Variants in LAMTOR2 observed in about 807,000 individuals in gnomAD.
LAMTOR2 encodes ragulator complex protein LAMTOR2.
A neutral mutation model predicts 15.8 loss-of-function variants in LAMTOR2; 4 were observed. The observed-to-expected ratio is 0.25, with a 90% CI of 0.12 to 0.58. LAMTOR2 has a LOEUF of 0.58. Among genes scored for constraint, LAMTOR2 ranks in the 20% least tolerant of loss-of-function variants. The pLI is 0.91. For missense variants in LAMTOR2, 100 were observed against 161.0 expected (o/e 0.62, Z 2.05); for synonymous variants, 62 against 64.1 (o/e 0.97, Z 0.15).
rs1647341733 is a variant in LAMTOR2, at chr1:156,055,678, A to T, written c.231+253A>T. 1 of 540,210 alleles carries T rather than the reference A, an allele frequency of 1.9e-6. No individual in the cohort carries two copies. The highest frequency in any genetic ancestry group is 2.1e-5 in the South Asian group (1 of 48,210). The allele number at this position is 540,210 out of a possible 1,614,324, so 33.5% of individuals were successfully genotyped here. On this transcript the variant is annotated intron_variant, in intron 2 of 3. Transcript: ENST00000368305. The surrounding 1 kb of genome is among the most constrained non-coding windows in gnomAD (Gnocchi z 4.8). ...ACTTATCAGTTGTGGAACCTTGGGT[A>T]AGTCGCTTAACCTCTCTCAGCTTCC...
Position 156,055,504 on chromosome 1 carries a change from T to A in LAMTOR2, c.231+79T>A. On this transcript the variant is annotated intron_variant, in intron 2 of 3. Coordinates refer to ENST00000368305, the MANE Select transcript of LAMTOR2 (RefSeq NM_014017.4). The surrounding 1 kb of genome is among the most constrained non-coding windows in gnomAD (Gnocchi z 4.8). ...GCGACCTGGACCCCATCCTGGATGGTTGGAGGGGCAGGGACAGGATCTCCG... is the reference window on the plus strand; with the variant it reads ...GCGACCTGGACCCCATCCTGGATGGATGGAGGGGCAGGGACAGGATCTCCG... 1 of 1,541,982 alleles carries A rather than the reference T, an allele frequency of 6.5e-7. No homozygotes were observed. Among genetic ancestry groups the A allele is most frequent in the South Asian group, 1.1e-5 (1 of 89,610 alleles).
At chr1:156,058,126 G>A in intron 3 of LAMTOR2, 59 bp downstream of exon 3, 1 of 1,551,588 alleles carries the variant, frequency 6.4e-7, no homozygotes, top group Non-Finnish European at 8.9e-7. Context: ...TCTACACTGT[G>A]TTCACTCCCA....
In LAMTOR2 at chr1:156,054,976, C is replaced by T; in HGVS notation, c.68+19C>T. The T allele has an allele frequency of 6.2e-7, 1 of 1,608,858 alleles. No individual in the cohort carries two copies. The highest frequency in any genetic ancestry group is 8.5e-7 in the Non-Finnish European group (1 of 1,178,176). Reference sequence around the variant, plus strand: ...GCACCCTGTGAGTGCAGACCACGGACCCGAGCGGCGAGCGCTGCAGTGGGG... The same window carrying T: ...GCACCCTGTGAGTGCAGACCACGGATCCGAGCGGCGAGCGCTGCAGTGGGG... On this transcript the variant is annotated intron_variant, in intron 1 of 3. Transcript: ENST00000368305.
At chr1:156,056,151 GCAC>G (rs1031111554) in intron 2 of LAMTOR2, among the ~76,000 whole-genome samples, 1 of 152,010 alleles carries the variant, frequency 6.6e-6, no homozygotes, top group African/African-American at 2.4e-5. Context: ...CTACAGACAT[GCAC>G]CACCACACCT....
Position 156,058,495 on chromosome 1 carries a change from C to T in LAMTOR2, c.*124C>T. ...CTTTGTTTTTTCCAAGAATAAACTT[C>T]AACTCCTGTCATGTGTCTTGGCTAC... On this transcript the variant is annotated 3_prime_UTR_variant, in exon 4 of 4. Coordinates refer to ENST00000368305, the MANE Select transcript of LAMTOR2 (RefSeq NM_014017.4). 3.2e-6 allele frequency: 3 copies of T among 934,074 alleles called. No individual in the cohort carries two copies. Among genetic ancestry groups the T allele is most frequent in the Non-Finnish European group, 5.1e-6 (3 of 586,102 alleles). The allele number at this position is 934,074 out of a possible 1,614,324, so 57.9% of individuals were successfully genotyped here. A position where few individuals can be genotyped will look rare whatever the true frequency, so the allele number is the denominator to read the frequency against.
chr1:156,057,817 A>C (rs1422696187), intron 2 of LAMTOR2, among the ~76,000 whole-genome samples, 161 bp from the exon 3 acceptor site: 1 of 152,200 alleles, frequency 6.6e-6, no homozygotes, highest in Non-Finnish European at 1.5e-5. Flanking sequence ...TCAGAACCCC[A>C]TGTTCAGGGC....
At position 156,055,658 on chromosome 1, in the gene LAMTOR2, T is replaced by C. The variant is rs1342543825; in HGVS notation, c.231+233T>C. On this transcript the variant is annotated intron_variant, in intron 2 of 3. Coordinates refer to ENST00000368305, the MANE Select transcript of LAMTOR2 (RefSeq NM_014017.4). The surrounding 1 kb of genome is among the most constrained non-coding windows in gnomAD (Gnocchi z 4.8). ...GGTTCTGGTCTCAGCCATCCACTTA[T>C]CAGTTGTGGAACCTTGGGTAAGTCG... The C allele has an allele frequency of 1.7e-6, 1 of 574,114 alleles. No homozygotes were observed. Among genetic ancestry groups the C allele is most frequent in the Non-Finnish European group, 3.1e-6 (1 of 320,642 alleles). The allele number at this position is 574,114 out of a possible 1,614,324, so 35.6% of individuals were successfully genotyped here. A position where few individuals can be genotyped will look rare whatever the true frequency, so the allele number is the denominator to read the frequency against.
At chr1:156,058,281 G>A in intron 3 of LAMTOR2, 34 bp from the exon 4 acceptor site, 3 of 1,613,986 alleles carry the variant, frequency 1.9e-6, no homozygotes, top group Non-Finnish European at 2.5e-6. Flanking sequence ...ATGCCAGGCT[G>A]TGTGCGGGAC....
At position 156,055,077 on chromosome 1, in the gene LAMTOR2, GGGGATACC is replaced by G. The variant is rs1647291243; in HGVS notation, c.68+123_68+130del. 2.2e-6 allele frequency: 3 copies of G among 1,373,492 alleles called. No individual in the cohort carries two copies. The highest frequency in any genetic ancestry group is 3.1e-6 in the Non-Finnish European group (3 of 969,658). 85.1% of individuals were successfully genotyped at this position (1,373,492 alleles called of 1,614,324 possible). A position where few individuals can be genotyped will look rare whatever the true frequency, so the allele number is the denominator to read the frequency against. On this transcript the variant is annotated intron_variant, in intron 1 of 3. Transcript: ENST00000368305. The surrounding 1 kb of genome is among the most constrained non-coding windows in gnomAD (Gnocchi z 4.8). ...GGAAGCGGCAGAGGGGGCAGCGGCT[GGGGATACC>G]GGCCGGGAGGTCCCCTGTCGAAAAG...
chr1:156,055,195 G>A lies in LAMTOR2; in HGVS notation c.69-68G>A. The A allele has an allele frequency of 6.3e-7, 1 of 1,598,478 alleles. No homozygotes were observed. The highest frequency in any genetic ancestry group is 2.2e-5 in the East Asian group (1 of 44,796). ...GCTGGATGTGCCCTTGGTGGGACTT[G>A]GGATGGAAACCCAGACGTTTTACTC... On this transcript the variant is annotated intron_variant, in intron 1 of 3. Transcript: ENST00000368305. The surrounding 1 kb of genome is among the most constrained non-coding windows in gnomAD (Gnocchi z 4.8).
chr1:156,055,269 GAA>G lies in LAMTOR2; in HGVS notation c.76_77del (p.Asn26Ter). The G allele has an allele frequency of 6.2e-7, 1 of 1,613,988 alleles. No individual in the cohort carries two copies. Among genetic ancestry groups the G allele is most frequent in the African/African-American group, 1.3e-5 (1 of 75,056 alleles). ...CCTCCCCGCCCCTCACCAGGCTGCT[GAA>G]TAACGAGGGATCACTGCTGGCCTAC... ...TGGVQSTLLL[N>X]NEGSLLAYSG... On this transcript the variant is annotated frameshift_variant, in exon 2 of 4. Coordinates refer to ENST00000368305, the MANE Select transcript of LAMTOR2 (RefSeq NM_014017.4). LOFTEE classifies it high-confidence loss of function. The surrounding 1 kb of genome is among the most constrained non-coding windows in gnomAD (Gnocchi z 4.8).
At chr1:156,057,175 C>T (rs1410257580) in intron 2 of LAMTOR2, among the ~76,000 whole-genome samples, 4 of 112,262 alleles carry the variant, frequency 3.6e-5, no homozygotes, top group African/African-American at 7.3e-5. Context: ...AAGACTCCAT[C>T]TCAAAAAAAA....
intron 3 of LAMTOR2, 32 bp from the exon 4 acceptor site, chr1:156,058,283 G>T (rs1319624140): frequency 1.2e-6 from 2 of 1,613,980 alleles, no homozygotes; most frequent in Non-Finnish European, 1.7e-6. Context: ...GCCAGGCTGT[G>T]TGCGGGACTG....
rs759953090 is a variant in LAMTOR2 at position 156,054,847 on chromosome 1, TC to T, written c.-42del. On this transcript the variant is annotated 5_prime_UTR_variant, in exon 1 of 4. Coordinates refer to ENST00000368305, the MANE Select transcript of LAMTOR2 (RefSeq NM_014017.4). ...CGGGCAGCGGCCCGCGGGAGGCACC[TC>T]GGAGATCTGGGTGCAAAAGCCCAGG... 15 of 1,599,566 alleles carry T rather than the reference TC, an allele frequency of 9.4e-6. No individual in the cohort carries two copies. The Admixed American group carries it at 2.4e-4, about 25-fold the overall frequency.
At chr1:156,056,981 C>T (rs1224261638) in intron 2 of LAMTOR2, among the ~76,000 whole-genome samples, 1 of 151,708 alleles carries the variant, frequency 6.6e-6, no homozygotes, top group East Asian at 1.9e-4. Flanking sequence ...TGTTCAAGAC[C>T]AGCCTGGCCA....
chr1:156,054,816 A>C lies in LAMTOR2; in HGVS notation c.-74A>C, dbSNP rs1156306125. ...CGGAGCAGGCCAACGGGACTACGGGAAGCAGCGGGCAGCGGCCCGCGGGAG... is the reference window on the plus strand; with the variant it reads ...CGGAGCAGGCCAACGGGACTACGGGCAGCAGCGGGCAGCGGCCCGCGGGAG... On this transcript the variant is annotated 5_prime_UTR_variant, in exon 1 of 4. Transcript: ENST00000368305. The C allele has an allele frequency of 2.0e-6, 3 of 1,470,196 alleles. No homozygotes were observed. The African/African-American group carries it at 4.2e-5, about 20-fold the overall frequency. 91.1% of individuals were successfully genotyped at this position (1,470,196 alleles called of 1,614,324 possible).
In LAMTOR2 at chr1:156,055,505, T is replaced by C; in HGVS notation, c.231+80T>C. The C allele has an allele frequency of 6.5e-7, 1 of 1,538,648 alleles. No individual in the cohort carries two copies. Among genetic ancestry groups the C allele is most frequent in the Non-Finnish European group, 9.0e-7 (1 of 1,114,148 alleles). ...CGACCTGGACCCCATCCTGGATGGTTGGAGGGGCAGGGACAGGATCTCCGG... is the reference window on the plus strand; with the variant it reads ...CGACCTGGACCCCATCCTGGATGGTCGGAGGGGCAGGGACAGGATCTCCGG... On this transcript the variant is annotated intron_variant, in intron 2 of 3. Coordinates refer to ENST00000368305, the MANE Select transcript of LAMTOR2 (RefSeq NM_014017.4). This position sits in a 1 kb window ranked among gnomAD's most constrained non-coding sequence, Gnocchi z 4.8.
chr1:156,054,893 C>G lies in LAMTOR2; in HGVS notation c.4C>G (p.Leu2Val). M[L>V]RPKALTQVLS... ...CCCAGGGTTAGGAACCGTAGGCATGCTGCGCCCCAAGGCTTTGACCCAGGT... is the reference window on the plus strand; with the variant it reads ...CCCAGGGTTAGGAACCGTAGGCATGGTGCGCCCCAAGGCTTTGACCCAGGT... Residue 2 changes from leucine to valine, a missense_variant, in exon 1 of 4, where the codon CTG becomes GTG. Physicochemically the swap from Leu to Val is conservative, Grantham distance 32. Transcript: ENST00000368305. The G allele has an allele frequency of 6.2e-7, 1 of 1,612,978 alleles. No individual in the cohort carries two copies. The highest frequency in any genetic ancestry group is 8.5e-7 in the Non-Finnish European group (1 of 1,179,794).
At chr1:156,057,830 T>C (rs1647424198) in intron 2 of LAMTOR2, 148 bp from the exon 3 acceptor site, 1 of 725,420 alleles carries the variant, frequency 1.4e-6, no homozygotes, top group African/African-American at 1.7e-5. Flanking sequence ...TTCAGGGCTG[T>C]GGCCAAAAGC....
Sources: gnomAD v4.1 joint callset for allele counts (sites outside exome capture counted in the v4.1 genomes callset) on GRCh38, gnomAD v4.1.1 for gene constraint, Gnocchi (gnomAD v3.1) non-coding constraint, MANE v1.5 for transcripts, NCBI Gene and HGNC (gene_info 2026-07-23, HGNC 2026-07-21) for gene names.